Variants in CLVS1 observed in about 807,000 individuals in gnomAD.
CLVS1 encodes clavesin 1.
CLVS1 carries 10 observed loss-of-function variants against 33.1 expected under a neutral mutation model. That is an observed-to-expected ratio of 0.30 (90% CI 0.19 to 0.51). CLVS1 has a LOEUF of 0.51. Among genes scored for constraint, CLVS1 ranks in the 20% least tolerant of loss-of-function variants. The probability of loss-of-function intolerance (pLI) is 0.97; values close to 1 mark genes in which losing one functional copy is unlikely to be tolerated. For synonymous variants in CLVS1, 163 were observed against 166.1 expected (o/e 0.98, Z 0.14); for missense variants, 343 against 433.4 (o/e 0.79, Z 1.85).
chr8:60,982,862 AAGG>A, the CLVS1 span, among the ~76,000 whole-genome samples: 1 of 152,148 alleles, frequency 6.6e-6, no homozygotes, highest in South Asian at 2.1e-4. Context: ...GGCTTGAGAC[AAGG>A]AGTTTAAGGC....
At position 61,499,744 on chromosome 8, in the gene CLVS1, TC is replaced by T. The variant is rs963715246; in HGVS notation, c.*207del. 7.7e-6 allele frequency: 3 copies of T among 390,820 alleles called. No individual in the cohort carries two copies. The highest frequency in any genetic ancestry group is 3.9e-5 in the Admixed American group (1 of 25,358). 24.2% of individuals were successfully genotyped at this position (390,820 alleles called of 1,614,324 possible). A position where few individuals can be genotyped will look rare whatever the true frequency, so the allele number is the denominator to read the frequency against. ...AAAGACTTGAGAGATGCTTTTTTTTTCCCCCAGTGAGGGGACTGGAGGATGA... is the reference window on the plus strand; with the variant it reads ...AAAGACTTGAGAGATGCTTTTTTTTTCCCCAGTGAGGGGACTGGAGGATGA... On this transcript the variant is annotated 3_prime_UTR_variant, in exon 6 of 6. Coordinates refer to ENST00000325897, the MANE Select transcript of CLVS1 (RefSeq NM_173519.3).
intron 2 of CLVS1, among the ~76,000 whole-genome samples, chr8:61,205,760 A>C (rs1221830812): frequency 6.6e-6 from 1 of 152,138 alleles, no homozygotes; most frequent in Admixed American, 6.6e-5. Flanking sequence ...CCACCTCCTC[A>C]TCAACACATG....
At chr8:61,220,483 A>T (rs747682672) in intron 2 of CLVS1, among the ~76,000 whole-genome samples, 1 of 151,936 alleles carries the variant, frequency 6.6e-6, no homozygotes, top group Non-Finnish European at 1.5e-5. Flanking sequence ...GAGTGGTGTT[A>T]TTTCTGAGGT....
chr8:61,035,176 T>C, the CLVS1 span, among the ~76,000 whole-genome samples: 1 of 92,086 alleles, frequency 1.1e-5, no homozygotes, highest in East Asian at 2.8e-4. Flanking sequence ...TTTTCTTTTC[T>C]TTTCTTTTTT....
intron 1 of CLVS1, among the ~76,000 whole-genome samples, chr8:61,059,767 C>T (rs1038714510): frequency 4.0e-5 from 6 of 151,140 alleles, no homozygotes; most frequent in African/African-American, 1.5e-4. Context: ...GCCGAGATCA[C>T]ACCAAGGCAC....
At chr8:61,282,675 T>G (rs1213793364) in intron 2 of CLVS1, among the ~76,000 whole-genome samples, 1 of 152,226 alleles carries the variant, frequency 6.6e-6, no homozygotes, top group Non-Finnish European at 1.5e-5. Context: ...GAAAAGTTCT[T>G]GCAGTAATGC....
At chr8:61,354,441 A>G (rs1281611718) in intron 2 of CLVS1, among the ~76,000 whole-genome samples, 1 of 152,104 alleles carries the variant, frequency 6.6e-6, no homozygotes, top group African/African-American at 2.4e-5. Flanking sequence ...AAAACTGTAC[A>G]TGGGATTACC....
At chr8:61,325,805 A>T (rs576452249) in intron 2 of CLVS1, among the ~76,000 whole-genome samples, 2 of 152,264 alleles carry the variant, frequency 1.3e-5, no homozygotes, top group South Asian at 2.1e-4. Context: ...TTATTTTCCA[A>T]CCCAACAAGT....
At chr8:61,342,177 C>T (rs528590911) in intron 2 of CLVS1, among the ~76,000 whole-genome samples, 2 of 152,288 alleles carry the variant, frequency 1.3e-5, no homozygotes, top group African/African-American at 2.4e-5. Flanking sequence ...TCAAGACCCT[C>T]CTCCTGCTCA....
intron 2 of CLVS1, among the ~76,000 whole-genome samples, chr8:61,150,969 A>G (rs1348618630): frequency 2.0e-5 from 3 of 152,198 alleles, no homozygotes; most frequent in Non-Finnish European, 4.4e-5. Context: ...AACCAGAGAG[A>G]GCCAGGGACA....
At chr8:61,288,464 C>G (rs567801240) in intron 1 of CLVS1, among the ~76,000 whole-genome samples, 76 of 152,258 alleles carry the variant, frequency 5.0e-4, no homozygotes, top group East Asian at 7.7e-4. Context: ...GCCCGAGGTC[C>G]GCAGGGCAGA....
chr8:61,328,220 G>A (rs899732186), intron 2 of CLVS1, among the ~76,000 whole-genome samples: 1 of 152,194 alleles, frequency 6.6e-6, no homozygotes, highest in Admixed American at 6.5e-5. Context: ...CCATGCTTTT[G>A]CTGCCTTCTG....
At chr8:61,376,333 C>G (rs1813640047) in intron 2 of CLVS1, among the ~76,000 whole-genome samples, 1 of 152,174 alleles carries the variant, frequency 6.6e-6, no homozygotes, top group Admixed American at 6.5e-5. Flanking sequence ...GTGGAGGAAG[C>G]AGAGTATGGA....
intron 2 of CLVS1, among the ~76,000 whole-genome samples, chr8:61,156,771 G>A (rs969934022): frequency 3.9e-5 from 6 of 152,156 alleles, no homozygotes; most frequent in Admixed American, 6.5e-5. Context: ...TCACTGTAGA[G>A]TTTATGAAGG....
At chr8:61,424,036 C>T (rs151028635) in intron 3 of CLVS1, among the ~76,000 whole-genome samples, 4 of 152,302 alleles carry the variant, frequency 2.6e-5, no homozygotes, top group African/African-American at 7.2e-5. Context: ...TCTTCCCTTG[C>T]ACACGCACAC....
chr8:61,074,410 T>TATATAA (rs1468126285), intron 1 of CLVS1, among the ~76,000 whole-genome samples: 1 of 144,558 alleles, frequency 6.9e-6, no homozygotes, highest in Non-Finnish European at 1.5e-5. Flanking sequence ...TATATATATA[T>TATATAA]AAGTATATGT....
chr8:61,281,616 G>T (rs1220246388), intron 2 of CLVS1, among the ~76,000 whole-genome samples: 1 of 152,146 alleles, frequency 6.6e-6, no homozygotes, highest in Non-Finnish European at 1.5e-5. Flanking sequence ...CAAAGGTAGG[G>T]TATTTTGTCG....
chr8:61,383,591 A>G, intron 3 of CLVS1, among the ~76,000 whole-genome samples: 1 of 152,208 alleles, frequency 6.6e-6, no homozygotes, highest in Non-Finnish European at 1.5e-5. Flanking sequence ...AATTTGCAAG[A>G]GTGCATTATG....
intron 5 of CLVS1, among the ~76,000 whole-genome samples, chr8:61,463,359 G>C (rs1408714293): frequency 1.3e-5 from 2 of 152,104 alleles, no homozygotes; most frequent in Non-Finnish European, 2.9e-5. Flanking sequence ...CACTGAAGTA[G>C]CACTTTTAAT....
Sources: allele counts gnomAD v4.1 joint callset (sites outside exome capture counted in the v4.1 genomes callset), GRCh38; gene constraint gnomAD v4.1.1; transcripts MANE v1.5; gene names NCBI Gene and HGNC (gene_info 2026-07-23, HGNC 2026-07-21).